Variants in ATIC observed in about 807,000 individuals in gnomAD.
ATIC encodes bifunctional purine biosynthesis protein ATIC.
ATIC carries 64 observed loss-of-function variants against 72.5 expected under a neutral mutation model. That is an observed-to-expected ratio of 0.88 (90% CI 0.72 to 1.09). The LOEUF (loss-of-function observed/expected upper bound fraction) is 1.09, where lower values mean the gene tolerates loss of function less well. Among genes scored for constraint, ATIC ranks in the 50% least tolerant of loss-of-function variants. The pLI is 0.00. For missense variants in ATIC, 787 were observed against 732.4 expected, an observed-to-expected ratio of 1.07 and a Z score of -0.86; for synonymous variants, 281 against 267.1, an observed-to-expected ratio of 1.05 and a Z score of -0.51.
At chr2:215,368,255 C>A in the ATIC span, among the ~76,000 whole-genome samples, 40,068 of 152,122 alleles carry the variant, frequency 0.26, 6,568 homozygotes, top group East Asian at 0.72. Flanking sequence ...TTATTTTTCC[C>A]TTGCTTCTAA....
At chr2:215,319,077 C>T (rs2052740204) in intron 3 of ATIC, among the ~76,000 whole-genome samples, 1 of 151,886 alleles carries the variant, frequency 6.6e-6, no homozygotes, top group African/African-American at 2.4e-5. Context: ...GACGGGGTCT[C>T]ACCTTGTTGC....
At chr2:215,353,114 GTTA>G (rs923475433), downstream of ATIC, among the ~76,000 whole-genome samples, 17 of 152,282 alleles carry the variant, frequency 1.1e-4, no homozygotes, top group Admixed American at 2.6e-4. Context: ...CATGTTTAAA[GTTA>G]TTATTGCTTT....
intron 2 of ATIC, among the ~76,000 whole-genome samples, chr2:215,313,353 C>A (rs528477907): frequency 1.4e-4 from 22 of 152,264 alleles, no homozygotes; most frequent in African/African-American, 4.8e-4. Flanking sequence ...TATGAAGGTG[C>A]AAATCATTCA....
intron 12 of ATIC, among the ~76,000 whole-genome samples, chr2:215,340,946 C>T (rs75875783): frequency 6.6e-6 from 1 of 152,146 alleles, no homozygotes; most frequent in Admixed American, 6.5e-5. Context: ...TCCGCTCTGC[C>T]CAGCATTTCT....
At chr2:215,351,516 C>CT (rs1322326968), downstream of ATIC, among the ~76,000 whole-genome samples, 1 of 152,112 alleles carries the variant, frequency 6.6e-6, no homozygotes, top group Non-Finnish European at 1.5e-5. Flanking sequence ...AATCCCAGCA[C>CT]TTTGGGAGGA....
At chr2:215,323,347 A>G (rs905547911) in intron 4 of ATIC, among the ~76,000 whole-genome samples, 1 of 152,146 alleles carries the variant, frequency 6.6e-6, no homozygotes, top group Admixed American at 6.5e-5. Flanking sequence ...AAAACAACGC[A>G]GTTGGAATTT....
chr2:215,345,169 C>G, intron 13 of ATIC: 2 of 422,324 alleles, frequency 4.7e-6, no homozygotes, highest in East Asian at 9.9e-5. Flanking sequence ...ATTTCCTTTC[C>G]TTTTCCCCCA....
Position 215,312,725 on chromosome 2 carries a change from A to G in ATIC, c.146+101A>G, listed in dbSNP as rs553194547. ...GCAAAACGCCTTATTTACTCCTCCCAGTAGCGCTGTGAGGTTGGTGTAATA... is the reference window on the plus strand; with the variant it reads ...GCAAAACGCCTTATTTACTCCTCCCGGTAGCGCTGTGAGGTTGGTGTAATA... On this transcript the variant is annotated intron_variant, in intron 2 of 15. Coordinates refer to ENST00000236959, the MANE Select transcript of ATIC (RefSeq NM_004044.7). 9.2e-4 allele frequency: 1,434 copies of G among 1,556,130 alleles called. 3 individuals carry two copies. The highest frequency in any genetic ancestry group is 3.0e-3 in the Middle Eastern group (17 of 5,658).
chr2:215,335,732 C>G (rs569679015), intron 10 of ATIC, among the ~76,000 whole-genome samples: 8 of 152,196 alleles, frequency 5.3e-5, no homozygotes, highest in Non-Finnish European at 1.0e-4. Flanking sequence ...CTTGCTCATT[C>G]AAAACACTCC....
chr2:215,325,618 A>T (rs112681002), intron 5 of ATIC, among the ~76,000 whole-genome samples: 1 of 152,122 alleles, frequency 6.6e-6, no homozygotes, highest in Admixed American at 6.5e-5. Flanking sequence ...GCTGGAGTAC[A>T]GTGGCACAGT....
the ATIC span, chr2:215,367,823 G>C: frequency 6.2e-6 from 10 of 1,607,542 alleles, no homozygotes; most frequent in Non-Finnish European, 8.5e-6. Flanking sequence ...GGAACTTGAG[G>C]AGACAAACAC....
chr2:215,333,351 T>C lies in ATIC; in HGVS notation c.816T>C (p.Gly272=), dbSNP rs778069788. The change falls in exon 9 of 16, where the codon GGT becomes GGC. Residue 272 remains glycine (G), a splice_region_variant and synonymous_variant. Coordinates refer to ENST00000236959, the MANE Select transcript of ATIC (RefSeq NM_004044.7). Reference sequence around the variant, plus strand: ...ATGATTTTACTATTTTCTAACCAGGTGCTGCTGTTGGAATTCCACTCAGTG... The same window carrying C: ...ATGATTTTACTATTTTCTAACCAGGCGCTGCTGTTGGAATTCCACTCAGTG... ...AASFKHVSPA[G]AAVGIPLSED... 1 of 1,613,846 alleles carries C rather than the reference T, an allele frequency of 6.2e-7. No homozygotes were observed. The highest frequency in any genetic ancestry group is 1.1e-5 in the South Asian group (1 of 91,082).
chr2:215,353,235 G>C (rs907064350), downstream of ATIC, among the ~76,000 whole-genome samples: 2 of 152,068 alleles, frequency 1.3e-5, no homozygotes, highest in Non-Finnish European at 2.9e-5. Context: ...ATCCTGTAAA[G>C]TTTGACCCAC....
chr2:215,353,298 A>T (rs998044758), downstream of ATIC, among the ~76,000 whole-genome samples: 2 of 152,088 alleles, frequency 1.3e-5, no homozygotes, highest in African/African-American at 4.8e-5. Context: ...TTTCCCCCCT[A>T]ATAAGCTAAA....
At chr2:215,319,332 G>A (rs2052742987) in intron 3 of ATIC, among the ~76,000 whole-genome samples, 1 of 152,100 alleles carries the variant, frequency 6.6e-6, no homozygotes, top group Non-Finnish European at 1.5e-5. Flanking sequence ...TTGAGCCCAG[G>A]AGTTTAAGAT....
chr2:215,321,867 T>C (rs565057263), intron 4 of ATIC, among the ~76,000 whole-genome samples: 19 of 152,334 alleles, frequency 1.2e-4, no homozygotes, highest in African/African-American at 4.6e-4. Context: ...ATTCTATGGA[T>C]TGTGTTAGCC....
At chr2:215,332,303 G>A (rs913088150) in intron 7 of ATIC, 79 bp from the exon 8 acceptor site, 18 of 1,577,382 alleles carry the variant, frequency 1.1e-5, no homozygotes, top group Non-Finnish European at 1.5e-5. Flanking sequence ...GTTTAGTCAT[G>A]TTATTTTTTT....
At chr2:215,348,418 C>T (rs2053094052) in intron 14 of ATIC, among the ~76,000 whole-genome samples, 1 of 151,956 alleles carries the variant, frequency 6.6e-6, no homozygotes, top group Non-Finnish European at 1.5e-5. Context: ...GTCTAATAGA[C>T]ATAAAGTAGT....
chr2:215,363,526 C>T, the ATIC span: 1 of 152,222 alleles, frequency 6.6e-6, no homozygotes, highest in African/African-American at 2.4e-5. Context: ...TGGGCTGCCC[C>T]TGGTGGAGCC....
Sources: gnomAD v4.1 joint callset for allele counts (sites outside exome capture counted in the v4.1 genomes callset) on GRCh38, gnomAD v4.1.1 for gene constraint, MANE v1.5 for transcripts, NCBI Gene and HGNC (gene_info 2026-07-23, HGNC 2026-07-21) for gene names.